Variants in KCNH8 observed in about 807,000 individuals in gnomAD.
KCNH8 encodes voltage-gated delayed rectifier potassium channel KCNH8.
A neutral mutation model predicts 103.6 loss-of-function variants in KCNH8; 70 were observed. The observed-to-expected ratio is 0.68, with a 90% CI of 0.56 to 0.82. The LOEUF is 0.82. Among genes scored for constraint, KCNH8 ranks in the 40% least tolerant of loss-of-function variants. The probability of loss-of-function intolerance (pLI) is 0.00; values close to 1 mark genes in which losing one functional copy is unlikely to be tolerated. For synonymous variants in KCNH8, 498 were observed against 489.4 expected, an observed-to-expected ratio of 1.02 and a Z score of -0.23; for missense variants, 1,217 against 1,329.9, an observed-to-expected ratio of 0.92 and a Z score of 1.32.
At chr3:19,345,356 C>G (rs1250861355) in intron 4 of KCNH8, among the ~76,000 whole-genome samples, 3 of 151,948 alleles carry the variant, frequency 2.0e-5, no homozygotes, top group African/African-American at 7.2e-5. Flanking sequence ...CATTCTCTTG[C>G]TCATTCAGAT....
At chr3:19,524,351 T>G (rs2069026033) in intron 15 of KCNH8, among the ~76,000 whole-genome samples, 1 of 151,942 alleles carries the variant, frequency 6.6e-6, no homozygotes, top group South Asian at 2.1e-4. Context: ...CAAAATTCAA[T>G]TAACTGCTGG....
chr3:19,456,833 G>A lies in KCNH8; in HGVS notation c.1891G>A (p.Val631Ile). 3 of 1,612,354 alleles carry A rather than the reference G, an allele frequency of 1.9e-6. No homozygotes were observed. The highest frequency in any genetic ancestry group is 1.1e-5 in the South Asian group (1 of 91,028). ...KDQVIKTNAD[V>I]KALTYCDLQC... ...CCAAGTGATCAAGACCAATGCAGAT[G>A]TAAAGGCTTTAACCTACTGTGATCT... is the stretch of plus-strand genomic sequence containing the variant. The change falls in exon 11 of 16, where the codon GTA (valine) becomes ATA (isoleucine). Residue 631 changes from valine to isoleucine, a missense_variant. This residue lies in a region of KCNH8 where 415 missense variants were observed against 577.4 expected (regional missense o/e 0.72). Transcript: ENST00000328405.
chr3:19,481,236 G>A (rs2068081092), intron 11 of KCNH8, among the ~76,000 whole-genome samples: 1 of 151,972 alleles, frequency 6.6e-6, no homozygotes, highest in Non-Finnish European at 1.5e-5. Context: ...TGACTAGGGG[G>A]AATCACTGCT....
chr3:19,489,700 A>G (rs967589732), intron 11 of KCNH8, among the ~76,000 whole-genome samples: 1 of 152,084 alleles, frequency 6.6e-6, no homozygotes, highest in African/African-American at 2.4e-5. Flanking sequence ...TCCTCCAGAC[A>G]AAACACCACA....
intron 3 of KCNH8, among the ~76,000 whole-genome samples, chr3:19,297,590 A>C (rs1236697050): frequency 6.6e-6 from 1 of 152,164 alleles, no homozygotes; most frequent in Non-Finnish European, 1.5e-5. Context: ...TCTGTAAAGG[A>C]ATATGACTTC....
chr3:19,465,533 T>C (rs2067717529), intron 11 of KCNH8, among the ~76,000 whole-genome samples: 2 of 152,138 alleles, frequency 1.3e-5, no homozygotes. Context: ...CAACATCTAT[T>C]CTGTAGCCCA....
At chr3:19,362,155 CTAATG>C (rs2065955286) in intron 5 of KCNH8, among the ~76,000 whole-genome samples, 3 of 152,050 alleles carry the variant, frequency 2.0e-5, no homozygotes, top group African/African-American at 7.2e-5. Context: ...GAGAATTAAA[CTAATG>C]TAAGACAGAC....
chr3:19,332,665 C>A (rs1446889654), intron 3 of KCNH8, among the ~76,000 whole-genome samples: 1 of 151,972 alleles, frequency 6.6e-6, no homozygotes, highest in African/African-American at 2.4e-5. Context: ...GACAGAGTCT[C>A]CCTCTGTCCC....
At chr3:19,309,137 T>C (rs543704928) in intron 3 of KCNH8, among the ~76,000 whole-genome samples, 2 of 152,012 alleles carry the variant, frequency 1.3e-5, no homozygotes, top group African/African-American at 4.8e-5. Context: ...GACTTTTGAT[T>C]ATTATTAACT....
chr3:19,278,438 G>A (rs1435070965), intron 2 of KCNH8, among the ~76,000 whole-genome samples: 2 of 138,996 alleles, frequency 1.4e-5, no homozygotes, highest in African/African-American at 5.4e-5. Flanking sequence ...AGAGATGGAG[G>A]GAGAAAGGCA....
intron 8 of KCNH8, among the ~76,000 whole-genome samples, chr3:19,438,983 C>T (rs2067240235): frequency 6.6e-6 from 1 of 152,146 alleles, no homozygotes; most frequent in African/African-American, 2.4e-5. Flanking sequence ...TTAGTAAGAT[C>T]CAGCAGTACT....
At position 19,334,455 on chromosome 3, in the gene KCNH8, C is replaced by A. The variant is rs563314736; in HGVS notation, c.443-8132C>A. Among the ~76,000 whole-genome samples the A allele has an allele frequency of 4.6e-5, 7 of 152,196 alleles. No homozygotes were observed. The South Asian group carries it at 1.4e-3, about 32-fold the overall frequency. On this transcript the variant is annotated intron_variant, in intron 3 of 15. Transcript: ENST00000328405. The stretch of plus-strand genomic sequence containing the variant: ...AAAACCTCATCTTTAAAAAACAGAA[C>A]AAAGCAGGGCTTAATTTGTGGCCAT...
rs2067736790 is a variant in KCNH8, at chr3:19,466,416, C to A, written c.2040+9434C>A. ...AAGAAGTTCTACTGTGGGTAAAATG[C>A]TATCAAACTGTACCGTATGGTACAA... On this transcript the variant is annotated intron_variant, in intron 11 of 15. Transcript: ENST00000328405. Among the ~76,000 whole-genome samples, 4 of 152,116 alleles carry A rather than the reference C, an allele frequency of 2.6e-5. No homozygotes were observed. The South Asian group carries it at 8.3e-4, about 31-fold the overall frequency.
intron 7 of KCNH8, among the ~76,000 whole-genome samples, chr3:19,437,144 CAAGT>C (rs1463342207): frequency 1.3e-5 from 2 of 152,056 alleles, no homozygotes; most frequent in East Asian, 3.8e-4. Context: ...GTCATTCAAT[CAAGT>C]GTTTATTAGA....
chr3:19,311,416 T>C (rs2065206208), intron 3 of KCNH8, among the ~76,000 whole-genome samples: 1 of 151,682 alleles, frequency 6.6e-6, no homozygotes, highest in Admixed American at 6.6e-5. Context: ...GTTGCAGAGC[T>C]ATTAACTACT....
rs1444742739 is a variant in KCNH8 at position 19,291,573 on chromosome 3, C to T, written c.442+10244C>T. On this transcript the variant is annotated intron_variant, in intron 3 of 15. Transcript: ENST00000328405. ...GCGGTTTTGAGTGAGTTTCTTAATC[C>T]TGAGTTCTAGTTTGATTGCACTGTG... Among the ~76,000 whole-genome samples the T allele has an allele frequency of 2.0e-5, 3 of 152,128 alleles. No homozygotes were observed. The East Asian group carries it at 5.8e-4, about 29-fold the overall frequency.
At chr3:19,219,485 CA>C (rs1575445470) in intron 1 of KCNH8, among the ~76,000 whole-genome samples, 1 of 152,058 alleles carries the variant, frequency 6.6e-6, no homozygotes, top group South Asian at 2.1e-4. Context: ...AACAACAGGT[CA>C]AAAAATGTGT....
At chr3:19,313,174 G>A (rs1399262391) in intron 3 of KCNH8, among the ~76,000 whole-genome samples, 1 of 151,908 alleles carries the variant, frequency 6.6e-6, no homozygotes, top group Non-Finnish European at 1.5e-5. Context: ...ATTATGTGGT[G>A]TGTGAGTCCT....
intron 7 of KCNH8, 65 bp from the exon 8 acceptor site, chr3:19,438,099 T>A: frequency 8.2e-7 from 1 of 1,222,242 alleles, no homozygotes; most frequent in Non-Finnish European, 1.2e-6. Flanking sequence ...TTATCATTAC[T>A]CCCATGTGTT....
Sources: allele counts gnomAD v4.1 joint callset (sites outside exome capture counted in the v4.1 genomes callset), GRCh38; gene constraint gnomAD v4.1.1; regional missense constraint gnomAD v4.1.1; transcripts MANE v1.5; gene names NCBI Gene and HGNC (gene_info 2026-07-23, HGNC 2026-07-21).